The following DLG2 variants were observed in gnomAD, a reference collection of about 807,000 sequenced individuals.
DLG2 encodes discs large MAGUK scaffold protein 2, also known as disks large homolog 2.
In DLG2, 45 loss-of-function variants were observed where a neutral mutation model predicts 132.5. The ratio of observed to expected loss-of-function variants is 0.34; its 90% CI spans 0.27 to 0.44. The LOEUF is 0.44. Among genes scored for constraint, DLG2 ranks in the 20% least tolerant of loss-of-function variants. The pLI is 1.00. For missense variants in DLG2, 1,045 were observed against 1,196.9 expected, an observed-to-expected ratio of 0.87 and a Z score of 1.87; for synonymous variants, 424 against 419.6, an observed-to-expected ratio of 1.01 and a Z score of -0.13.
chr11:83,781,625 C>T (rs1482295701), intron 18 of DLG2, among the ~76,000 whole-genome samples: 1 of 152,140 alleles, frequency 6.6e-6, no homozygotes, highest in Non-Finnish European at 1.5e-5. Flanking sequence ...TCTTTTCTAC[C>T]TGCAGGCCAT....
At chr11:83,739,490 A>G (rs1303424184) in intron 18 of DLG2, among the ~76,000 whole-genome samples, 1 of 152,180 alleles carries the variant, frequency 6.6e-6, no homozygotes, top group Non-Finnish European at 1.5e-5. Context: ...GATATTAATC[A>G]GTAAGGAAAA....
chr11:84,997,058 G>A (rs1269670299), intron 6 of DLG2, among the ~76,000 whole-genome samples: 1 of 152,074 alleles, frequency 6.6e-6, no homozygotes, highest in East Asian at 1.9e-4. Context: ...CAGAGGGGTT[G>A]GATGTAAACG....
intron 6 of DLG2, among the ~76,000 whole-genome samples, chr11:84,859,289 C>G (rs577399619): frequency 6.8e-6 from 1 of 146,484 alleles, no homozygotes; most frequent in Non-Finnish European, 1.5e-5. Flanking sequence ...TATATATGTA[C>G]ATTTCATAAA....
chr11:83,790,288 G>A, intron 17 of DLG2: 1 of 930,628 alleles, frequency 1.1e-6, no homozygotes. Flanking sequence ...CAAGTCTAGT[G>A]TGAACTGTTT....
chr11:85,399,460 C>T (rs950720141), intron 3 of DLG2, among the ~76,000 whole-genome samples: 2 of 152,110 alleles, frequency 1.3e-5, no homozygotes, highest in Non-Finnish European at 2.9e-5. Flanking sequence ...CAAAAAAGAG[C>T]CCGCATCACC....
At chr11:85,044,027 C>T (rs1228367319) in intron 6 of DLG2, among the ~76,000 whole-genome samples, 2 of 151,984 alleles carry the variant, frequency 1.3e-5, no homozygotes. Context: ...AGGAACTACC[C>T]TAAACTATTT....
At chr11:83,575,306 G>T (rs768985169) in intron 19 of DLG2, among the ~76,000 whole-genome samples, 1 of 152,178 alleles carries the variant, frequency 6.6e-6, no homozygotes, top group Non-Finnish European at 1.5e-5. Flanking sequence ...AACTGCCCCA[G>T]CTTTCTGCCT....
chr11:84,642,841 A>T (rs1278410281), intron 6 of DLG2, among the ~76,000 whole-genome samples: 1 of 108,080 alleles, frequency 9.3e-6, no homozygotes, highest in Admixed American at 8.0e-5. Context: ...AAGAAAAGAC[A>T]AAGTCTTTTA....
Position 85,379,750 on chromosome 11 carries a change from C to T in DLG2, c.41-94385G>A, listed in dbSNP as rs192873166. 2.4e-3 allele frequency among the ~76,000 whole-genome samples: 358 copies of T among 152,314 alleles called. 1 individual carries two copies. The highest frequency in any genetic ancestry group is 7.5e-3 in the African/African-American group (311 of 41,576). The stretch of plus-strand genomic sequence containing the variant: ...GGCAATGATATTATAGAGATTGCAA[C>T]GATACTTCTGGCTGCTGTTTTTCCC... On this transcript the variant is annotated intron_variant, in intron 3 of 27. Transcript: ENST00000376104.
intron 10 of DLG2, among the ~76,000 whole-genome samples, chr11:84,081,706 T>C (rs1258007664): frequency 6.6e-6 from 1 of 152,248 alleles, no homozygotes; most frequent in Non-Finnish European, 1.5e-5. Flanking sequence ...ATTTTCTTAA[T>C]CCAGTCTATC....
intron 10 of DLG2, among the ~76,000 whole-genome samples, chr11:84,078,560 A>G (rs556419536): frequency 1.3e-5 from 2 of 152,296 alleles, no homozygotes; most frequent in African/African-American, 4.8e-5. Context: ...GAAAATACCA[A>G]TTAAATGGAA....
At chr11:83,746,170 G>A (rs1025972227) in intron 18 of DLG2, among the ~76,000 whole-genome samples, 9 of 152,318 alleles carry the variant, frequency 5.9e-5, no homozygotes, top group East Asian at 1.9e-4. Flanking sequence ...ACAGTGTGGC[G>A]ATTCCCCAGG....
At chr11:84,864,894 C>T (rs1291575490) in intron 6 of DLG2, among the ~76,000 whole-genome samples, 1 of 152,040 alleles carries the variant, frequency 6.6e-6, no homozygotes, top group African/African-American at 2.4e-5. Context: ...GAAGAGATGG[C>T]TTAAGCAAAG....
chr11:84,001,126 C>A (rs2094323752), intron 11 of DLG2, among the ~76,000 whole-genome samples: 1 of 151,914 alleles, frequency 6.6e-6, no homozygotes, highest in Non-Finnish European at 1.5e-5. Flanking sequence ...AGATTAAATT[C>A]TTTACTTAAA....
chr11:84,616,018 C>A (rs898587908), intron 6 of DLG2, among the ~76,000 whole-genome samples: 5 of 151,620 alleles, frequency 3.3e-5, no homozygotes, highest in African/African-American at 1.2e-4. Flanking sequence ...CATTAGTAAG[C>A]AAAGGAATAT....
At chr11:84,585,454 C>T (rs2099527399) in intron 6 of DLG2, among the ~76,000 whole-genome samples, 1 of 152,154 alleles carries the variant, frequency 6.6e-6, no homozygotes, top group African/African-American at 2.4e-5. Context: ...GTACCCTCAC[C>T]TGACTCTTCT....
chr11:83,918,026 G>A (rs961622976), intron 15 of DLG2, among the ~76,000 whole-genome samples: 3 of 152,114 alleles, frequency 2.0e-5, no homozygotes, highest in African/African-American at 7.2e-5. Flanking sequence ...CAAGCAGAAA[G>A]GTAGGGTCTG....
intron 21 of DLG2, among the ~76,000 whole-genome samples, chr11:83,510,712 T>C (rs1476548400): frequency 6.6e-6 from 1 of 152,068 alleles, no homozygotes; most frequent in Non-Finnish European, 1.5e-5. Flanking sequence ...TTGAGGTATC[T>C]TTCAGATGCT....
At chr11:85,361,332 T>C (rs967524916) in intron 3 of DLG2, among the ~76,000 whole-genome samples, 6 of 151,628 alleles carry the variant, frequency 4.0e-5, no homozygotes, top group African/African-American at 1.5e-4. Flanking sequence ...AATTTTTATA[T>C]ACTTAGGGGG....
Sources: gnomAD v4.1 joint callset for allele counts (sites outside exome capture counted in the v4.1 genomes callset) on GRCh38, gnomAD v4.1.1 for gene constraint, MANE v1.5 for transcripts, NCBI Gene and HGNC (gene_info 2026-07-23, HGNC 2026-07-21) for gene names.